Variants in DTNB observed in about 807,000 individuals in gnomAD.
The protein encoded by DTNB is dystrobrevin beta.
In DTNB, 63 loss-of-function variants were observed where a neutral mutation model predicts 90.7. The ratio of observed to expected loss-of-function variants is 0.69; its 90% CI spans 0.57 to 0.86. The LOEUF (loss-of-function observed/expected upper bound fraction) is 0.86. Among genes scored for constraint, DTNB ranks in the 40% least tolerant of loss-of-function variants. DTNB has a pLI of 0.00. For synonymous variants in DTNB, 277 were observed against 286.7 expected, an observed-to-expected ratio of 0.97 and a Z score of 0.34; for missense variants, 744 against 807.1, an observed-to-expected ratio of 0.92 and a Z score of 0.95.
intron 1 of DTNB, among the ~76,000 whole-genome samples, chr2:25,659,246 G>A (rs1354983575): frequency 6.6e-6 from 1 of 152,158 alleles, no homozygotes; most frequent in Admixed American, 6.5e-5. Context: ...ACCAACCAGA[G>A]CTAATTGACA....
intron 9 of DTNB, among the ~76,000 whole-genome samples, chr2:25,509,014 T>C (rs1481340093): frequency 6.6e-6 from 1 of 152,262 alleles, no homozygotes; most frequent in Non-Finnish European, 1.5e-5. Context: ...AAGTGATCTA[T>C]GTCCTGCAAT....
In DTNB at chr2:25,526,395, ATT is replaced by A. The variant is rs1245672956; in HGVS notation, c.1001+5076_1001+5077del. ...TATATATATATATATATATATATAT[ATT>A]TTTTTTTTTTTAATTGAGACAGAGT... On this transcript the variant is annotated intron_variant, in intron 9 of 20. Transcript: ENST00000406818. Among the ~76,000 whole-genome samples the A allele has an allele frequency of 5.6e-3, 278 of 49,818 alleles. 4 individuals are homozygous for A. Among genetic ancestry groups the A allele is most frequent in the Middle Eastern group, 0.014 (1 of 74 alleles). 32.7% of individuals were successfully genotyped at this position (49,818 alleles called of 152,430 possible).
In DTNB at chr2:25,607,079, G is replaced by A. The variant is rs189875716; in HGVS notation, c.448+157C>T. On this transcript the variant is annotated intron_variant, in intron 5 of 20. Transcript: ENST00000406818. ...ACCAACTTTTCCATCTGAACAGTAG[G>A]TGGCATAACTCACCTACTGTGAGCC... is the stretch of plus-strand genomic sequence containing the variant. 3.5e-4 allele frequency among the ~76,000 whole-genome samples: 54 copies of A among 152,232 alleles called. 1 individual carries two copies. Among genetic ancestry groups the A allele is most frequent in the Admixed American group, 3.1e-3 (48 of 15,298 alleles).
At chr2:25,411,423 T>C (rs1014774380) in intron 16 of DTNB, among the ~76,000 whole-genome samples, 2 of 151,962 alleles carry the variant, frequency 1.3e-5, no homozygotes, top group Non-Finnish European at 2.9e-5. Context: ...TTCCTCTTTT[T>C]GGAAAAAAAA....
intron 10 of DTNB, among the ~76,000 whole-genome samples, chr2:25,469,738 A>G (rs191697480): frequency 9.7e-4 from 147 of 152,234 alleles, no homozygotes; most frequent in African/African-American, 3.3e-3. Context: ...CACTGCGCCC[A>G]GTCCCAAGCC....
intron 8 of DTNB, among the ~76,000 whole-genome samples, chr2:25,544,149 G>A (rs907685481): frequency 6.6e-6 from 1 of 152,202 alleles, no homozygotes; most frequent in Admixed American, 6.5e-5. Context: ...CTCAGGGCTC[G>A]CGGGTTGGGT....
At chr2:25,442,445 G>A (rs2057632516) in intron 12 of DTNB, among the ~76,000 whole-genome samples, 1 of 152,146 alleles carries the variant, frequency 6.6e-6, no homozygotes, top group Non-Finnish European at 1.5e-5. Context: ...CAATTAAATT[G>A]ATGTCTGGAA....
chr2:25,637,321 C>T (rs953775556), intron 3 of DTNB, among the ~76,000 whole-genome samples: 1 of 152,136 alleles, frequency 6.6e-6, no homozygotes, highest in South Asian at 2.1e-4. Flanking sequence ...GTCTAAAACA[C>T]CAAAAGCAAT....
chr2:25,509,189 G>A (rs1032520818), intron 9 of DTNB, among the ~76,000 whole-genome samples: 20 of 152,162 alleles, frequency 1.3e-4, no homozygotes, highest in Non-Finnish European at 2.8e-4. Context: ...AGGATCACTA[G>A]TAAAATGCTG....
chr2:25,633,190 T>C (rs1424144865), intron 3 of DTNB, among the ~76,000 whole-genome samples: 1 of 151,854 alleles, frequency 6.6e-6, no homozygotes, highest in African/African-American at 2.4e-5. Flanking sequence ...TCCCTCTCTT[T>C]CCACGGTCTC....
chr2:25,641,825 CT>C (rs767158406), intron 2 of DTNB, among the ~76,000 whole-genome samples: 10 of 152,080 alleles, frequency 6.6e-5, no homozygotes, highest in Non-Finnish European at 1.5e-4. Flanking sequence ...ACTTCAAAGT[CT>C]TTTTTGTTTG....
intron 6 of DTNB, among the ~76,000 whole-genome samples, chr2:25,588,072 T>C (rs2062786495): frequency 6.6e-6 from 1 of 152,178 alleles, no homozygotes; most frequent in Non-Finnish European, 1.5e-5. Context: ...TACCTTCAGA[T>C]GCAATGCTTT....
intron 5 of DTNB, among the ~76,000 whole-genome samples, chr2:25,602,410 T>C (rs2066089917): frequency 6.6e-6 from 1 of 152,222 alleles, no homozygotes; most frequent in Non-Finnish European, 1.5e-5. Flanking sequence ...CTCATTTAGA[T>C]TAAACAGTCA....
intron 18 of DTNB, among the ~76,000 whole-genome samples, chr2:25,384,703 G>A (rs2038965676): frequency 6.6e-6 from 1 of 152,178 alleles, no homozygotes; most frequent in Non-Finnish European, 1.5e-5. Flanking sequence ...GGTAGCTTGA[G>A]AGGACAGGGA....
intron 10 of DTNB, among the ~76,000 whole-genome samples, chr2:25,462,776 T>C (rs2061190448): frequency 6.6e-6 from 1 of 151,764 alleles, no homozygotes; most frequent in South Asian, 2.1e-4. Flanking sequence ...GGATCTCGGC[T>C]CACTGCAAGC....
intron 9 of DTNB, among the ~76,000 whole-genome samples, chr2:25,522,242 T>TA (rs1270498367): frequency 2.6e-5 from 4 of 152,358 alleles, no homozygotes; most frequent in Admixed American, 2.6e-4. Flanking sequence ...AAACCTTGTT[T>TA]ACTCAATATT....
chr2:25,588,996 A>C (rs892338486), intron 6 of DTNB, among the ~76,000 whole-genome samples: 4 of 152,250 alleles, frequency 2.6e-5, no homozygotes, highest in African/African-American at 9.6e-5. Flanking sequence ...CCTGCCAGGC[A>C]ATGCTTGCCA....
intron 1 of DTNB, among the ~76,000 whole-genome samples, chr2:25,656,313 A>C (rs897339884): frequency 3.9e-5 from 6 of 152,212 alleles, no homozygotes; most frequent in Non-Finnish European, 8.8e-5. Context: ...AAGTACACTA[A>C]TGCCTGTATC....
intron 5 of DTNB, among the ~76,000 whole-genome samples, chr2:25,597,721 T>C (rs960547771): frequency 1.3e-5 from 2 of 152,034 alleles, no homozygotes; most frequent in African/African-American, 4.8e-5. Context: ...GAAAGTAAAA[T>C]AAATTAATTA....
Sources: gnomAD v4.1 joint callset for allele counts (sites outside exome capture counted in the v4.1 genomes callset) on GRCh38, gnomAD v4.1.1 for gene constraint, MANE v1.5 for transcripts, NCBI Gene and HGNC (gene_info 2026-07-23, HGNC 2026-07-21) for gene names.